CDK14: variants seen among roughly 807,000 people sequenced by gnomAD.
CDK14 encodes the protein cyclin dependent kinase 14, also known as cyclin-dependent kinase 14.
A neutral mutation model predicts 60.7 loss-of-function variants in CDK14; 34 were observed. The observed-to-expected ratio is 0.56, with a 90% CI of 0.43 to 0.75. CDK14 has a LOEUF of 0.75. Among genes scored for constraint, CDK14 ranks in the 30% least tolerant of loss-of-function variants. The pLI is 0.00. For missense variants in CDK14, 482 were observed against 564.1 expected (o/e 0.85, Z 1.47); for synonymous variants, 197 against 203.7 (o/e 0.97, Z 0.28).
chr7:91,028,862 T>C (rs1174974021), intron 10 of CDK14, among the ~76,000 whole-genome samples: 1 of 152,190 alleles, frequency 6.6e-6, no homozygotes, highest in Non-Finnish European at 1.5e-5. Flanking sequence ...GTTGGATGTA[T>C]AGTTTATGAC....
intron 3 of CDK14, among the ~76,000 whole-genome samples, chr7:90,730,198 T>C (rs1237109119): frequency 1.3e-5 from 2 of 152,254 alleles, no homozygotes; most frequent in East Asian, 3.8e-4. Context: ...TCCTTTTTTA[T>C]GGCTGCATAG....
At chr7:90,790,761 T>C in intron 5 of CDK14, 109 bp downstream of exon 5, 1 of 627,222 alleles carries the variant, frequency 1.6e-6, no homozygotes, top group Non-Finnish European at 2.7e-6. Flanking sequence ...CAGGATTGTA[T>C]CTTTCATTAA....
chr7:90,825,583 A>T (rs1159651772), intron 5 of CDK14, among the ~76,000 whole-genome samples: 2 of 152,210 alleles, frequency 1.3e-5, no homozygotes, highest in African/African-American at 4.8e-5. Flanking sequence ...AATTGTGTAT[A>T]CAAACTGTTA....
chr7:90,821,181 G>C (rs1209774442), intron 5 of CDK14, among the ~76,000 whole-genome samples: 2 of 152,130 alleles, frequency 1.3e-5, no homozygotes, highest in Non-Finnish European at 2.9e-5. Context: ...CTTAGATCAT[G>C]TTCCCTGGAA....
At chr7:90,893,916 G>T (rs1792216158) in intron 6 of CDK14, among the ~76,000 whole-genome samples, 1 of 152,170 alleles carries the variant, frequency 6.6e-6, no homozygotes, top group Admixed American at 6.5e-5. Flanking sequence ...ATTATATATA[G>T]AGAGTGGTGG....
intron 8 of CDK14, among the ~76,000 whole-genome samples, chr7:90,937,404 T>C (rs1389900412): frequency 6.6e-6 from 1 of 152,210 alleles, no homozygotes; most frequent in Non-Finnish European, 1.5e-5. Context: ...ATTTGGTAAA[T>C]GTAGTGTGAA....
At chr7:90,652,901 C>A (rs759959722) in intron 2 of CDK14, among the ~76,000 whole-genome samples, 1 of 152,132 alleles carries the variant, frequency 6.6e-6, no homozygotes, top group Non-Finnish European at 1.5e-5. Flanking sequence ...TTGCATACAG[C>A]TGTGTCTTTG....
chr7:90,944,404 C>T (rs1203037502), intron 8 of CDK14, among the ~76,000 whole-genome samples: 5 of 152,100 alleles, frequency 3.3e-5, no homozygotes, highest in South Asian at 2.1e-4. Flanking sequence ...GCAGGCCAGA[C>T]GTCATGCCAG....
At chr7:90,668,895 T>TTA (rs1343431533) in intron 2 of CDK14, among the ~76,000 whole-genome samples, 1 of 151,284 alleles carries the variant, frequency 6.6e-6, no homozygotes. Context: ...GTTTATTTAT[T>TTA]TTTTTTTACA....
chr7:90,807,930 A>T (rs138200437), intron 5 of CDK14, among the ~76,000 whole-genome samples: 1 of 152,184 alleles, frequency 6.6e-6, no homozygotes, highest in East Asian at 1.9e-4. Context: ...GAATAAAAAG[A>T]AATGAACAAA....
intron 9 of CDK14, among the ~76,000 whole-genome samples, chr7:90,982,461 C>T (rs1031495288): frequency 1.3e-5 from 2 of 152,080 alleles, no homozygotes; most frequent in African/African-American, 4.8e-5. Flanking sequence ...TGCCTGGGCT[C>T]CAACCTAGAT....
chr7:90,611,125 T>C (rs1383141620), intron 2 of CDK14, among the ~76,000 whole-genome samples: 1 of 152,200 alleles, frequency 6.6e-6, no homozygotes, highest in East Asian at 1.9e-4. Flanking sequence ...GAAGCTTACA[T>C]AATTGATTCT....
chr7:90,624,610 G>C (rs1327089615), intron 2 of CDK14, among the ~76,000 whole-genome samples: 1 of 152,158 alleles, frequency 6.6e-6, no homozygotes, highest in African/African-American at 2.4e-5. Flanking sequence ...CTGAGAATAG[G>C]AGAAAATGAG....
At chr7:90,960,438 CAAATG>C (rs1794567825) in intron 9 of CDK14, among the ~76,000 whole-genome samples, 1 of 152,110 alleles carries the variant, frequency 6.6e-6, no homozygotes, top group African/African-American at 2.4e-5. Flanking sequence ...ATAAGCCTGT[CAAATG>C]TAATGAGATT....
chr7:91,060,186 T>C (rs557784425), intron 11 of CDK14, among the ~76,000 whole-genome samples: 1 of 152,276 alleles, frequency 6.6e-6, no homozygotes, highest in South Asian at 2.1e-4. Flanking sequence ...TCTTTGTTGG[T>C]TTAAAGTCTG....
Position 90,723,575 on chromosome 7 carries a change from C to T in CDK14, c.124-2992C>T, listed in dbSNP as rs926616951. Among the ~76,000 whole-genome samples, 9 of 152,124 alleles carry T rather than the reference C, an allele frequency of 5.9e-5. 1 individual carries two copies. Among genetic ancestry groups the T allele is most frequent in the Admixed American group, 5.9e-4 (9 of 15,270 alleles). On this transcript the variant is annotated intron_variant, in intron 2 of 14. Coordinates refer to ENST00000380050, the MANE Select transcript of CDK14 (RefSeq NM_001287135.2). ...TGTTCTTACAATGTTTTCTCAGAAGCGGTATCCTATGATTTTTGCCATATT... is the reference window on the plus strand; with the variant it reads ...TGTTCTTACAATGTTTTCTCAGAAGTGGTATCCTATGATTTTTGCCATATT...
At chr7:90,982,617 A>G (rs1213292909) in intron 9 of CDK14, among the ~76,000 whole-genome samples, 1 of 152,212 alleles carries the variant, frequency 6.6e-6, no homozygotes, top group African/African-American at 2.4e-5. Flanking sequence ...ATAATTGGAA[A>G]AGGATACTTG....
At chr7:91,051,984 G>A (rs1348869626) in intron 11 of CDK14, among the ~76,000 whole-genome samples, 1 of 152,162 alleles carries the variant, frequency 6.6e-6, no homozygotes, top group African/African-American at 2.4e-5. Flanking sequence ...TCATAGAATT[G>A]TGGTAACCCC....
At chr7:90,921,740 G>C (rs982151) in intron 8 of CDK14, among the ~76,000 whole-genome samples, 149,973 of 152,218 alleles carry the variant, frequency 0.99, 73,917 homozygotes, top group East Asian at 1. Context: ...ATTGACTGTC[G>C]TGGTGGAGAA....
Sources: gnomAD v4.1 joint callset for allele counts (sites outside exome capture counted in the v4.1 genomes callset) on GRCh38, gnomAD v4.1.1 for gene constraint, MANE v1.5 for transcripts, NCBI Gene and HGNC (gene_info 2026-07-23, HGNC 2026-07-21) for gene names.